Variants in WAPL observed in about 807,000 individuals in gnomAD.
The protein encoded by WAPL is wings apart-like protein homolog.
Under a neutral mutation model 121.0 loss-of-function variants are expected in WAPL, and 5 were observed. That is an observed-to-expected ratio of 0.04 (90% CI 0.02 to 0.09). The LOEUF is 0.09. WAPL is among the 10% of genes least tolerant of loss of function. The pLI, the probability that WAPL is intolerant of heterozygous loss-of-function variation, is 1.00. For synonymous variants in WAPL, 480 were observed against 481.5 expected, an observed-to-expected ratio of 1.00 and a Z score of 0.04; for missense variants, 999 against 1,410.8, an observed-to-expected ratio of 0.71 and a Z score of 4.68.
At chr10:86,501,499 T>C (rs181430045) in intron 2 of WAPL, among the ~76,000 whole-genome samples, 3 of 152,308 alleles carry the variant, frequency 2.0e-5, no homozygotes, top group Non-Finnish European at 4.4e-5. Context: ...TCCCTCAACA[T>C]TTACTTGTAG....
chr10:86,477,819 C>T (rs61856692), intron 4 of WAPL, among the ~76,000 whole-genome samples: 1 of 151,580 alleles, frequency 6.6e-6, no homozygotes, highest in Admixed American at 6.6e-5. Flanking sequence ...GTGGCTCACG[C>T]CTGTAATCCT....
At chr10:86,453,856 T>C (rs763803947) in intron 12 of WAPL, 25 bp from the exon 13 acceptor site, 14 of 1,479,224 alleles carry the variant, frequency 9.5e-6, no homozygotes, top group Non-Finnish European at 1.3e-5. Flanking sequence ...AAATATAGAC[T>C]ATTATAGTAA....
intron 15 of WAPL, 148 bp from the exon 16 acceptor site, chr10:86,446,597 T>G (rs987292618): frequency 1.1e-6 from 1 of 916,552 alleles, no homozygotes; most frequent in African/African-American, 1.7e-5. Flanking sequence ...GTAAAAGCTT[T>G]TGCTCTACAC....
chr10:86,511,776 T>G (rs1410607229), intron 2 of WAPL, among the ~76,000 whole-genome samples: 3 of 151,700 alleles, frequency 2.0e-5, no homozygotes, highest in Admixed American at 6.6e-5. Flanking sequence ...ACAAAAAATA[T>G]AGAAATTAGC....
intron 15 of WAPL, among the ~76,000 whole-genome samples, chr10:86,447,059 C>A (rs1849640513): frequency 6.6e-6 from 1 of 152,106 alleles, no homozygotes; most frequent in African/African-American, 2.4e-5. Flanking sequence ...TCCTTAAGAC[C>A]CTATCAGGGA....
intron 17 of WAPL, among the ~76,000 whole-genome samples, chr10:86,441,549 T>C (rs546519509): frequency 1.0e-4 from 15 of 149,256 alleles, no homozygotes; most frequent in Non-Finnish European, 1.5e-4. Context: ...TAAAAAGATA[T>C]GTATTTCCAG....
chr10:86,451,866 T>C (rs1840989319), intron 15 of WAPL, 101 bp downstream of exon 15: 2 of 1,343,688 alleles, frequency 1.5e-6, no homozygotes, highest in South Asian at 1.4e-5. Flanking sequence ...GGGCCAGCAG[T>C]GGATGGGCAA....
chr10:86,509,746 T>C (rs536028685), intron 2 of WAPL, among the ~76,000 whole-genome samples: 1 of 147,528 alleles, frequency 6.8e-6, no homozygotes, highest in South Asian at 2.2e-4. Context: ...TGAGGTATCA[T>C]CTGGCTCGAA....
At chr10:86,476,174 G>C (rs1841647893) in intron 4 of WAPL, among the ~76,000 whole-genome samples, 1 of 151,160 alleles carries the variant, frequency 6.6e-6, no homozygotes, top group African/African-American at 2.4e-5. Context: ...GACCATCCTG[G>C]TTAACACGGT....
intron 9 of WAPL, among the ~76,000 whole-genome samples, chr10:86,462,317 C>A (rs973029805): frequency 7.9e-5 from 12 of 152,144 alleles, no homozygotes; most frequent in Non-Finnish European, 2.9e-5. Context: ...GAAAAATGCA[C>A]ATAAATTAGA....
chr10:86,446,284 G>A lies in WAPL; in HGVS notation c.3280C>T (p.His1094Tyr). Residue 1094 changes from histidine to tyrosine, a missense_variant, in exon 16 of 19, where the codon CAT becomes TAT. By Grantham distance (83) the His-to-Tyr change is moderately conservative (BLOSUM62 2). This residue lies in a region of WAPL where 126 missense variants were observed against 144.0 expected (regional missense o/e 0.87). Transcript: ENST00000298767. ...TCTTCATCCTCCTCCTCCTTCTTAT[G>A]TTTCTCTTCTGTACCATCAGTCTTT... ...TEKTDGTEEKHKKEEEDEELD... is the reference protein window; with the variant it reads ...TEKTDGTEEKYKKEEEDEELD... The A allele has an allele frequency of 6.2e-7, 1 of 1,614,024 alleles. No homozygotes were observed. The highest frequency in any genetic ancestry group is 8.5e-7 in the Non-Finnish European group (1 of 1,179,996).
Position 86,500,505 on chromosome 10 carries a change from G to A in WAPL, c.738C>T (p.Ile246=), listed in dbSNP as rs1842228024. 6.2e-7 allele frequency: 1 copy of A among 1,614,114 alleles called. No homozygotes were observed. Among genetic ancestry groups the A allele is most frequent in the Non-Finnish European group, 8.5e-7 (1 of 1,180,022 alleles). Residue 246 remains isoleucine (I), a synonymous_variant, in exon 3 of 19, where the codon ATC becomes ATT. Coordinates refer to ENST00000298767, the MANE Select transcript of WAPL (RefSeq NM_015045.5). ...LFEWDNDFED[I]RSEDCILSLD... ...AACTTAAAATACAGTCTTCTGATCTGATATCTTCAAAATCATTATCCCATT... is the reference window on the plus strand; with the variant it reads ...AACTTAAAATACAGTCTTCTGATCTAATATCTTCAAAATCATTATCCCATT...
intron 17 of WAPL, among the ~76,000 whole-genome samples, chr10:86,440,743 G>C (rs1849448185): frequency 6.6e-6 from 1 of 152,082 alleles, no homozygotes; most frequent in African/African-American, 2.4e-5. Context: ...TGAGAACTTT[G>C]GTCTTGATCC....
At chr10:86,494,778 T>C (rs1179196383) in intron 4 of WAPL, among the ~76,000 whole-genome samples, 4 of 152,228 alleles carry the variant, frequency 2.6e-5, no homozygotes, top group African/African-American at 9.6e-5. Context: ...TATGAAAGGT[T>C]ACTGGCACGG....
chr10:86,455,556 G>A lies in WAPL; in HGVS notation c.2658-1725C>T, dbSNP rs190999904. On this transcript the variant is annotated intron_variant, in intron 12 of 18. Coordinates refer to ENST00000298767, the MANE Select transcript of WAPL (RefSeq NM_015045.5). Reference sequence around the variant, plus strand: ...ACACAAACACAAGGAAGGCCGCAGGGTCCTCTGCCTAGGAAAACCAGAGAC... The same window carrying A: ...ACACAAACACAAGGAAGGCCGCAGGATCCTCTGCCTAGGAAAACCAGAGAC... Among the ~76,000 whole-genome samples the A allele has an allele frequency of 2.6e-3, 391 of 151,656 alleles. 2 individuals are homozygous for A. The highest frequency in any genetic ancestry group is 0.014 in the Middle Eastern group (4 of 294).
intron 8 of WAPL, among the ~76,000 whole-genome samples, chr10:86,470,520 G>C (rs1455745994): frequency 6.6e-6 from 1 of 152,068 alleles, no homozygotes; most frequent in African/African-American, 2.4e-5. Flanking sequence ...TTATGCAAAA[G>C]CATCAAAGGC....
At chr10:86,452,592 T>C (rs991625685) in intron 14 of WAPL, among the ~76,000 whole-genome samples, 1 of 151,412 alleles carries the variant, frequency 6.6e-6, no homozygotes, top group Non-Finnish European at 1.5e-5. Context: ...TGAGACTCCA[T>C]CTCAAAAACA....
chr10:86,519,925 G>GCATT (rs1842639581), intron 1 of WAPL, among the ~76,000 whole-genome samples: 1 of 152,196 alleles, frequency 6.6e-6, no homozygotes, highest in African/African-American at 2.4e-5. Context: ...TAACCACAAA[G>GCATT]CATTCACTGT....
chr10:86,458,946 T>C, intron 12 of WAPL, 43 bp downstream of exon 12: 1 of 1,489,732 alleles, frequency 6.7e-7, no homozygotes, highest in Non-Finnish European at 9.2e-7. Flanking sequence ...ATGTTTAAAA[T>C]AAGTAACAAT....
Sources: allele counts gnomAD v4.1 joint callset (sites outside exome capture counted in the v4.1 genomes callset), GRCh38; gene constraint gnomAD v4.1.1; regional missense constraint gnomAD v4.1.1; transcripts MANE v1.5; gene names NCBI Gene and HGNC (gene_info 2026-07-23, HGNC 2026-07-21).